GPATCH1: variants seen among roughly 807,000 people sequenced by gnomAD.
The protein encoded by GPATCH1 is G patch domain-containing protein 1.
A neutral mutation model predicts 114.9 loss-of-function variants in GPATCH1; 73 were observed. The observed-to-expected ratio is 0.64, with a 90% CI of 0.53 to 0.77. GPATCH1 has a LOEUF of 0.77. Among genes scored for constraint, GPATCH1 ranks in the 30% least tolerant of loss-of-function variants. GPATCH1 has a pLI of 0.00. For missense variants in GPATCH1, 1,058 were observed against 1,144.3 expected (o/e 0.92, Z 1.09); for synonymous variants, 391 against 428.4 (o/e 0.91, Z 1.08).
At chr19:33,121,033 AAAAGAG>A (rs1049931893) in intron 17 of GPATCH1, among the ~76,000 whole-genome samples, 14 of 151,856 alleles carry the variant, frequency 9.2e-5, no homozygotes, top group Non-Finnish European at 2.1e-4. Flanking sequence ...TTAAAAAAGA[AAAAGAG>A]AAATTAAAAA....
chr19:33,092,773 A>G (rs533274852), intron 3 of GPATCH1, among the ~76,000 whole-genome samples: 1 of 152,344 alleles, frequency 6.6e-6, no homozygotes, highest in South Asian at 2.1e-4. Context: ...ACTGTCGAGA[A>G]GAACACGGCC....
rs1474192021 is a variant in GPATCH1 at position 33,096,440 on chromosome 19, A to T, written c.846A>T (p.Ser282=). 1.2e-6 allele frequency: 2 copies of T among 1,607,186 alleles called. No individual in the cohort carries two copies. Among genetic ancestry groups the T allele is most frequent in the Non-Finnish European group, 1.7e-6 (2 of 1,176,898 alleles). ...GLNKGRKLGI[S]GQAFGVGALE... Reference sequence around the variant, plus strand: ...ATAAAGGAAGAAAATTGGGAATTTCAGGCCAGGTAAAATTATTTTCTATTT... The same window carrying T: ...ATAAAGGAAGAAAATTGGGAATTTCTGGCCAGGTAAAATTATTTTCTATTT... Residue 282 remains serine (S), a synonymous_variant, in exon 7 of 20, where the codon TCA becomes TCT. Coordinates refer to ENST00000170564, the MANE Select transcript of GPATCH1 (RefSeq NM_018025.3).
chr19:33,089,086 A>G (rs1289023063), intron 2 of GPATCH1, among the ~76,000 whole-genome samples: 2 of 152,230 alleles, frequency 1.3e-5, no homozygotes, highest in East Asian at 1.9e-4. Context: ...AAAAAAATGC[A>G]TACCTCCTAA....
intron 8 of GPATCH1, among the ~76,000 whole-genome samples, chr19:33,098,761 A>G (rs1376700827): frequency 1.3e-5 from 2 of 152,302 alleles, no homozygotes; most frequent in South Asian, 2.1e-4. Context: ...TTCTTTGGTT[A>G]TCATACAGTC....
intron 8 of GPATCH1, chr19:33,100,423 A>G (rs1972712261): frequency 6.6e-6 from 1 of 151,968 alleles, no homozygotes; most frequent in Admixed American, 6.6e-5. Flanking sequence ...CCTCGTCTCT[A>G]CTAAAAATAC....
At position 33,130,418 on chromosome 19, in the gene GPATCH1, G is replaced by A. The variant is rs1488016073; in HGVS notation, c.*258G>A. 1 of 365,830 alleles carries A rather than the reference G, an allele frequency of 2.7e-6. No individual in the cohort carries two copies. The highest frequency in any genetic ancestry group is 4.3e-5 in the East Asian group (1 of 23,486). 22.7% of individuals were successfully genotyped at this position (365,830 alleles called of 1,614,324 possible). ...AGTGGAATTTTTCTATTTTCTTCTT[G>A]ATTTTTAAAAAATTTCCTGGGACGT... On this transcript the variant is annotated 3_prime_UTR_variant, in exon 20 of 20. Coordinates refer to ENST00000170564, the MANE Select transcript of GPATCH1 (RefSeq NM_018025.3).
chr19:33,127,257 G>A (rs1180138577), intron 19 of GPATCH1, among the ~76,000 whole-genome samples: 2 of 152,094 alleles, frequency 1.3e-5, no homozygotes, highest in Non-Finnish European at 1.5e-5. Flanking sequence ...GGTGGCTCAT[G>A]CCTGTAATCC....
At chr19:33,099,311 T>A (rs1972698095) in intron 8 of GPATCH1, among the ~76,000 whole-genome samples, 1 of 151,642 alleles carries the variant, frequency 6.6e-6, no homozygotes, top group Admixed American at 6.6e-5. Context: ...TAACAATATA[T>A]CAATCCTTTA....
intron 9 of GPATCH1, among the ~76,000 whole-genome samples, chr19:33,102,072 G>A (rs1270207809): frequency 2.1e-5 from 3 of 139,796 alleles, no homozygotes; most frequent in Non-Finnish European, 3.1e-5. Context: ...GGTGGCTCAC[G>A]CCTGTAATCC....
chr19:33,091,433 A>AG (rs1972594554), intron 3 of GPATCH1, among the ~76,000 whole-genome samples: 1 of 151,640 alleles, frequency 6.6e-6, no homozygotes, highest in East Asian at 1.9e-4. Context: ...AAAAAAAAAA[A>AG]AAAAAGTAAA....
intron 14 of GPATCH1, 90 bp from the exon 15 acceptor site, chr19:33,114,163 C>T: frequency 8.0e-7 from 1 of 1,254,552 alleles, no homozygotes; most frequent in Admixed American, 2.0e-5. Context: ...AGTAGGCACG[C>T]TGACATTCTG....
chr19:33,097,875 G>A lies in GPATCH1; in HGVS notation c.973G>A (p.Ala325Thr). The change falls in exon 8 of 20, where the codon GCA (alanine) becomes ACA (threonine). Residue 325 changes from alanine to threonine, a missense_variant. By Grantham distance (58) the Ala-to-Thr change is moderately conservative (BLOSUM62 0). This residue lies in a region of GPATCH1 where 893 missense variants were observed against 977.4 expected (regional missense o/e 0.91). Transcript: ENST00000170564. ...EPGDGLYGWTAPRQYKNQKES... is the reference protein window; with the variant it reads ...EPGDGLYGWTTPRQYKNQKES... ...TGGAGACGGACTCTATGGCTGGACAGCACCCAGGCAGTATAAAAACCAGAA... is the reference window on the plus strand; with the variant it reads ...TGGAGACGGACTCTATGGCTGGACAACACCCAGGCAGTATAAAAACCAGAA... 1.9e-6 allele frequency: 3 copies of A among 1,614,028 alleles called. No homozygotes were observed. The highest frequency in any genetic ancestry group is 1.7e-6 in the Non-Finnish European group (2 of 1,179,942).
chr19:33,106,295 C>T (rs1342452439), intron 9 of GPATCH1, among the ~76,000 whole-genome samples: 1 of 152,054 alleles, frequency 6.6e-6, no homozygotes, highest in Non-Finnish European at 1.5e-5. Context: ...TGAGCCACTG[C>T]GCCCAGCCAT....
Position 33,118,994 on chromosome 19 carries a change from C to T in GPATCH1, c.2414-16C>T. ...ATGGGGCAGACGAATGACATGAACA[C>T]CCCGCTGTTTTTCAGCTCTTGTGCC... On this transcript the variant is annotated splice_polypyrimidine_tract_variant and intron_variant, in intron 16 of 19. Transcript: ENST00000170564. The T allele has an allele frequency of 1.3e-6, 2 of 1,515,724 alleles. No individual in the cohort carries two copies. The highest frequency in any genetic ancestry group is 2.3e-5 in the East Asian group (1 of 44,282). The allele number at this position is 1,515,724 out of a possible 1,614,324, so 93.9% of individuals were successfully genotyped here.
At position 33,114,397 on chromosome 19, in the gene GPATCH1, C is replaced by T. The variant is rs1406081230; in HGVS notation, c.2174C>T (p.Ala725Val). 1.2e-6 allele frequency: 2 copies of T among 1,602,076 alleles called. No individual in the cohort carries two copies. Among genetic ancestry groups the T allele is most frequent in the Non-Finnish European group, 1.7e-6 (2 of 1,176,820 alleles). Residue 725 changes from alanine (A) to valine (V), a missense_variant, in exon 15 of 20, where the codon GCA (alanine) becomes GTA (valine). Ala to Val is a moderately conservative substitution (Grantham distance 64). Transcript: ENST00000170564. ...SPLVNKEEEH[A>V]PELSANQTVN... Reference sequence around the variant, plus strand: ...TTAGTAAACAAAGAGGAAGAGCATGCACCAGAATTATCCGCAAATCAGGTA... The same window carrying T: ...TTAGTAAACAAAGAGGAAGAGCATGTACCAGAATTATCCGCAAATCAGGTA...
At chr19:33,124,419 C>G (rs1407368699) in intron 17 of GPATCH1, among the ~76,000 whole-genome samples, 1 of 152,116 alleles carries the variant, frequency 6.6e-6, no homozygotes, top group African/African-American at 2.4e-5. Context: ...CAAGGATCCT[C>G]CTGCCTGGGC....
intron 9 of GPATCH1, among the ~76,000 whole-genome samples, chr19:33,102,637 C>T (rs1207754609): frequency 3.3e-5 from 5 of 151,910 alleles, no homozygotes; most frequent in Non-Finnish European, 7.4e-5. Context: ...CCTTGTGATC[C>T]GCCTGCCTCA....
At chr19:33,105,234 C>A (rs945947922) in intron 9 of GPATCH1, among the ~76,000 whole-genome samples, 1 of 151,326 alleles carries the variant, frequency 6.6e-6, no homozygotes, top group Admixed American at 6.6e-5. Context: ...GAGTTTGAGA[C>A]CAGCCTGGCC....
Position 33,088,229 on chromosome 19 carries a change from TTC to T in GPATCH1, c.173_174del (p.Ser58CysfsTer34). The T allele has an allele frequency of 6.2e-7, 1 of 1,607,446 alleles. No homozygotes were observed. The highest frequency in any genetic ancestry group is 2.2e-5 in the East Asian group (1 of 44,796). On this transcript the variant is annotated frameshift_variant, in exon 2 of 20. Coordinates refer to ENST00000170564, the MANE Select transcript of GPATCH1 (RefSeq NM_018025.3). LOFTEE classifies it high-confidence loss of function. ...KRFHGAFSGG[F>X]SAGYFNTVGS... ...ATTCCACGGGGCCTTTAGTGGAGGTTTCTCTGCTGGATACTTCAATACTGTTG... is the reference window on the plus strand; with the variant it reads ...ATTCCACGGGGCCTTTAGTGGAGGTTTCTGCTGGATACTTCAATACTGTTG...
Sources: gnomAD v4.1 joint callset for allele counts (sites outside exome capture counted in the v4.1 genomes callset) on GRCh38, gnomAD v4.1.1 for gene constraint, gnomAD v4.1.1 regional missense constraint, MANE v1.5 for transcripts, NCBI Gene and HGNC (gene_info 2026-07-23, HGNC 2026-07-21) for gene names.